E2F7: variants seen among roughly 807,000 people sequenced by gnomAD.
The protein encoded by E2F7 is transcription factor E2F7.
Under a neutral mutation model 81.1 loss-of-function variants are expected in E2F7, and 35 were observed. The ratio of observed to expected loss-of-function variants is 0.43; its 90% CI spans 0.33 to 0.57. The LOEUF is 0.57. Ranked by LOEUF, E2F7 falls within the 20% of genes least tolerant of loss-of-function variation. The pLI, the probability that E2F7 is intolerant of heterozygous loss-of-function variation, is 0.04. For synonymous variants in E2F7, 416 were observed against 416.2 expected, an observed-to-expected ratio of 1.00 and a Z score of 0.01; for missense variants, 961 against 1,093.7, an observed-to-expected ratio of 0.88 and a Z score of 1.71.
chr12:77,058,982 C>G (rs1406413082), intron 2 of E2F7, among the ~76,000 whole-genome samples: 1 of 152,168 alleles, frequency 6.6e-6, no homozygotes, highest in East Asian at 1.9e-4. Flanking sequence ...GAACACTGTG[C>G]TTTGATGAGT....
chr12:77,056,989 C>T (rs1955038845), intron 2 of E2F7, among the ~76,000 whole-genome samples: 3 of 151,246 alleles, frequency 2.0e-5, no homozygotes, highest in Non-Finnish European at 4.4e-5. Flanking sequence ...TGGGCACGTG[C>T]AATCTTCTCG....
At chr12:77,025,426 A>T in intron 12 of E2F7, 132 bp downstream of exon 12, 2 of 939,962 alleles carry the variant, frequency 2.1e-6, no homozygotes, top group Non-Finnish European at 3.2e-6. Flanking sequence ...AGATAACTCT[A>T]GGTCTACAAC....
At chr12:77,045,799 T>C in intron 5 of E2F7, 1 of 498,444 alleles carries the variant, frequency 2.0e-6, no homozygotes, top group East Asian at 3.1e-5. Context: ...ATGCTAGTGA[T>C]CTATTCTCCC....
At chr12:77,062,807 T>G (rs1208422784) in intron 2 of E2F7, among the ~76,000 whole-genome samples, 2 of 151,994 alleles carry the variant, frequency 1.3e-5, no homozygotes, top group East Asian at 1.9e-4. Context: ...AAAACAAAGT[T>G]TTGCTCTAAA....
At chr12:77,060,300 T>C (rs1384949395) in intron 2 of E2F7, among the ~76,000 whole-genome samples, 1 of 152,118 alleles carries the variant, frequency 6.6e-6, no homozygotes, top group Non-Finnish European at 1.5e-5. Flanking sequence ...TTACCTACCA[T>C]AGAGTTGCTG....
intron 9 of E2F7, among the ~76,000 whole-genome samples, chr12:77,031,278 C>T (rs1298522071): frequency 6.6e-6 from 1 of 152,002 alleles, no homozygotes; most frequent in Non-Finnish European, 1.5e-5. Flanking sequence ...GAAAAATTTC[C>T]AAATATTTAA....
chr12:77,063,957 C>G (rs2120770489), intron 2 of E2F7, among the ~76,000 whole-genome samples: 1 of 152,316 alleles, frequency 6.6e-6, no homozygotes, highest in Admixed American at 6.5e-5. Context: ...TTCTTGAAAA[C>G]AACATCTTGG....
At chr12:77,038,183 C>T (rs1954868839) in intron 7 of E2F7, among the ~76,000 whole-genome samples, 1 of 152,058 alleles carries the variant, frequency 6.6e-6, no homozygotes, top group Admixed American at 6.6e-5. Context: ...CAACAAGAAA[C>T]AGACAAATCT....
chr12:77,033,794 A>G, intron 8 of E2F7, 63 bp downstream of exon 8: 1 of 1,454,620 alleles, frequency 6.9e-7, no homozygotes, highest in South Asian at 1.5e-5. Flanking sequence ...TGGGTGCTGC[A>G]CTGGCATGGG....
intron 12 of E2F7, 46 bp downstream of exon 12, chr12:77,025,512 A>G: frequency 6.3e-7 from 1 of 1,595,434 alleles, no homozygotes; most frequent in Non-Finnish European, 8.6e-7. Context: ...ACACAGGCAT[A>G]CCCCTTCCCA....
chr12:77,056,777 T>C (rs1270831809), intron 2 of E2F7, among the ~76,000 whole-genome samples: 1 of 152,156 alleles, frequency 6.6e-6, no homozygotes, highest in African/African-American at 2.4e-5. Flanking sequence ...GATTTGCCAT[T>C]TGAGTTTGTC....
intron 10 of E2F7, 125 bp downstream of exon 10, chr12:77,029,706 T>G: frequency 6.9e-7 from 1 of 1,452,164 alleles, no homozygotes; most frequent in East Asian, 2.3e-5. Flanking sequence ...TGCTTAATTA[T>G]GCAAGTGACA....
intron 12 of E2F7, among the ~76,000 whole-genome samples, chr12:77,024,401 C>T (rs2120604169): frequency 1.3e-5 from 2 of 152,238 alleles, no homozygotes; most frequent in South Asian, 2.1e-4. Flanking sequence ...AGGCAGTCTA[C>T]CAAAGAGGTA....
At chr12:77,063,438 T>C (rs1955093699) in intron 2 of E2F7, among the ~76,000 whole-genome samples, 1 of 152,196 alleles carries the variant, frequency 6.6e-6, no homozygotes, top group African/African-American at 2.4e-5. Context: ...GTTATAGCCA[T>C]GGTACATAAG....
chr12:77,042,933 G>A (rs1732357023), intron 7 of E2F7, 132 bp downstream of exon 7: 2 of 1,386,290 alleles, frequency 1.4e-6, no homozygotes, highest in Non-Finnish European at 2.0e-6. Flanking sequence ...TGTTCCAAGA[G>A]TGGAGTCACT....
At chr12:77,032,042 A>G (rs1482637446) in intron 9 of E2F7, among the ~76,000 whole-genome samples, 2 of 152,116 alleles carry the variant, frequency 1.3e-5, no homozygotes, top group Non-Finnish European at 2.9e-5. Flanking sequence ...CTGCCAACTC[A>G]CTGTCTCACA....
chr12:77,062,909 C>CT (rs1263289053), intron 2 of E2F7, among the ~76,000 whole-genome samples: 8 of 150,216 alleles, frequency 5.3e-5, no homozygotes, highest in African/African-American at 2.0e-4. Context: ...AAAAAGGCCA[C>CT]TTTAAATAAT....
At position 77,023,799 on chromosome 12, in the gene E2F7, T is replaced by G. The variant is rs1954733799; in HGVS notation, c.*216A>C. 3.6e-6 allele frequency: 2 copies of G among 549,472 alleles called. No individual in the cohort carries two copies. The highest frequency in any genetic ancestry group is 6.8e-5 in the Admixed American group (2 of 29,392). The allele number at this position is 549,472 out of a possible 1,614,324, so 34.0% of individuals were successfully genotyped here. A position where few individuals can be genotyped will look rare whatever the true frequency, so the allele number is the denominator to read the frequency against. Reference sequence around the variant, plus strand: ...ACCATAAGTCAGTCGGCGCTTTCACTGTGACACCATGCAGAGTCGGAACTC... The same window carrying G: ...ACCATAAGTCAGTCGGCGCTTTCACGGTGACACCATGCAGAGTCGGAACTC... On this transcript the variant is annotated 3_prime_UTR_variant, in exon 13 of 13. Transcript: ENST00000322886.
intron 2 of E2F7, among the ~76,000 whole-genome samples, chr12:77,058,933 A>AT (rs1472487659): frequency 1.3e-5 from 2 of 152,020 alleles, no homozygotes; most frequent in Non-Finnish European, 2.9e-5. Flanking sequence ...GTTCATCGCA[A>AT]TTTTTGGCAC....
Sources: allele counts gnomAD v4.1 joint callset (sites outside exome capture counted in the v4.1 genomes callset), GRCh38; gene constraint gnomAD v4.1.1; transcripts MANE v1.5; gene names NCBI Gene and HGNC (gene_info 2026-07-23, HGNC 2026-07-21).